HIGD1C: variants seen among roughly 807,000 people sequenced by gnomAD.
HIGD1C encodes HIG1 hypoxia inducible domain family member 1C, also known as HIG1 domain family member 1C.
Under a neutral mutation model 13.1 loss-of-function variants are expected in HIGD1C, and 11 were observed. That is an observed-to-expected ratio of 0.84 (90% confidence interval 0.53 to 1.39). The LOEUF (loss-of-function observed/expected upper bound fraction) is 1.39, where lower values mean the gene tolerates loss of function less well. Among genes scored for constraint, HIGD1C ranks in the 40% most tolerant of loss-of-function variants. The pLI is 0.00. For missense variants in HIGD1C, 110 were observed against 112.0 expected (o/e 0.98, Z 0.08); for synonymous variants, 36 against 37.7 (o/e 0.95, Z 0.17).
At chr12:50,958,386 A>G (rs1332674359) in intron 1 of HIGD1C, among the ~76,000 whole-genome samples, 1 of 147,772 alleles carries the variant, frequency 6.8e-6, no homozygotes, top group Non-Finnish European at 1.5e-5. Context: ...GGTTCACACC[A>G]TTCTCCTGTC....
exon 2 of HIGD1C, chr12:50,961,044 T>G: frequency 1.2e-6 from 2 of 1,613,626 alleles, no homozygotes; most frequent in South Asian, 2.2e-5. Context: ...AAATGTCAAT[T>G]CATCTTATTC....
the HIGD1C span, among the ~76,000 whole-genome samples, chr12:50,936,020 G>A: frequency 1.3e-4 from 19 of 151,976 alleles, no homozygotes; most frequent in Non-Finnish European, 2.2e-4. Flanking sequence ...TTAGCCGGGC[G>A]TGGTGGAGGC....
At chr12:50,943,023 G>A in the HIGD1C span, among the ~76,000 whole-genome samples, 22 of 151,612 alleles carry the variant, frequency 1.5e-4, no homozygotes, top group Middle Eastern at 3.4e-3. Flanking sequence ...CTGCCACCAC[G>A]CCCAGCTAAT....
At chr12:50,943,856 C>T in the HIGD1C span, among the ~76,000 whole-genome samples, 4 of 152,288 alleles carry the variant, frequency 2.6e-5, no homozygotes, top group Non-Finnish European at 5.9e-5. Flanking sequence ...GATGGCAACA[C>T]ACTTGTTTTA....
chr12:50,939,517 G>A, the HIGD1C span, among the ~76,000 whole-genome samples: 79 of 152,178 alleles, frequency 5.2e-4, no homozygotes, highest in South Asian at 5.6e-3. Context: ...TGATAAAATC[G>A]AATTTAAGCC....
At chr12:50,958,976 C>T (rs1363999570) in intron 1 of HIGD1C, among the ~76,000 whole-genome samples, 1 of 151,618 alleles carries the variant, frequency 6.6e-6, no homozygotes, top group Non-Finnish European at 1.5e-5. Context: ...GAGATTGTAC[C>T]ACTTCACTGC....
At chr12:50,971,242 G>C (rs1003596788), downstream of HIGD1C, among the ~76,000 whole-genome samples, 14 of 151,262 alleles carry the variant, frequency 9.3e-5, no homozygotes, top group East Asian at 2.7e-3. Flanking sequence ...TCCCCAAATA[G>C]GGCAAAGTAA....
upstream of HIGD1C, among the ~76,000 whole-genome samples, chr12:50,952,456 G>A (rs1213961071): frequency 6.6e-6 from 1 of 152,186 alleles, no homozygotes; most frequent in Non-Finnish European, 1.5e-5. Flanking sequence ...CATGGCTGCA[G>A]TCGGAGGGAG....
At chr12:50,969,542 A>T (rs1250763274) in intron 2 of HIGD1C, among the ~76,000 whole-genome samples, 1 of 152,012 alleles carries the variant, frequency 6.6e-6, no homozygotes, top group African/African-American at 2.4e-5. Context: ...TGTACTAAAA[A>T]TACAAAAATT....
the HIGD1C span, among the ~76,000 whole-genome samples, chr12:50,938,769 G>A: frequency 1.1e-4 from 17 of 152,222 alleles, no homozygotes; most frequent in African/African-American, 4.1e-4. Flanking sequence ...GACCAGGGAT[G>A]GCTGGAATGA....
chr12:50,932,551 G>A, the HIGD1C span: 1 of 152,018 alleles, frequency 6.6e-6, no homozygotes, highest in Non-Finnish European at 1.5e-5. Context: ...TTTTCTTAAT[G>A]TCTCTGGGAG....
chr12:50,934,153 C>A, the HIGD1C span, among the ~76,000 whole-genome samples: 1 of 152,210 alleles, frequency 6.6e-6, no homozygotes, highest in Admixed American at 6.5e-5. Context: ...AAACCCATTG[C>A]TGGATTTCAC....
upstream of HIGD1C, chr12:50,953,806 C>A (rs1938985904): frequency 9.5e-6 from 5 of 524,340 alleles, no homozygotes; most frequent in African/African-American, 1.9e-5. Flanking sequence ...TTATCCCCTT[C>A]CCCTGCAAAA....
chr12:50,949,848 C>G (rs1938858208), upstream of HIGD1C, among the ~76,000 whole-genome samples: 1 of 152,078 alleles, frequency 6.6e-6, no homozygotes. Flanking sequence ...GGTAGCAGAA[C>G]CACCACCCAA....
intron 1 of HIGD1C, among the ~76,000 whole-genome samples, chr12:50,957,671 G>GGTA (rs552646364): frequency 9.8e-4 from 149 of 151,962 alleles, no homozygotes; most frequent in South Asian, 2.9e-3. Flanking sequence ...GACCACCTGA[G>GGTA]GTAAGGAGTT....
chr12:50,950,854 A>G (rs1285054289), upstream of HIGD1C, among the ~76,000 whole-genome samples: 2 of 150,992 alleles, frequency 1.3e-5, no homozygotes, highest in East Asian at 3.9e-4. Flanking sequence ...TTTTTTTTGT[A>G]TTTTTAGTAG....
chr12:50,969,381 A>G (rs1168792919), intron 2 of HIGD1C, among the ~76,000 whole-genome samples: 3 of 151,992 alleles, frequency 2.0e-5, no homozygotes, highest in Non-Finnish European at 4.4e-5. Context: ...AAGTTTGGAG[A>G]CCACCTACCT....
At chr12:50,947,006 T>C in the HIGD1C span, among the ~76,000 whole-genome samples, 1 of 152,220 alleles carries the variant, frequency 6.6e-6, no homozygotes, top group Admixed American at 6.5e-5. Context: ...TGTTCTTCCA[T>C]TCCTATGGCT....
upstream of HIGD1C, among the ~76,000 whole-genome samples, chr12:50,952,316 C>A (rs1040868578): frequency 6.6e-6 from 1 of 152,032 alleles, no homozygotes; most frequent in Non-Finnish European, 1.5e-5. Flanking sequence ...AAGGAAAATG[C>A]GGGTACCAGA....
Sources: allele counts gnomAD v4.1 joint callset (sites outside exome capture counted in the v4.1 genomes callset), GRCh38; gene constraint gnomAD v4.1.1; transcripts MANE v1.5; gene names NCBI Gene and HGNC (gene_info 2026-07-23, HGNC 2026-07-21).